Variants in ATP1B3 observed in about 807,000 individuals in gnomAD.
ATP1B3 encodes sodium/potassium-transporting ATPase subunit beta-3.
In ATP1B3, 10 loss-of-function variants were observed where a neutral mutation model predicts 30.2. The observed-to-expected ratio is 0.33, with a 90% CI of 0.20 to 0.56. ATP1B3 has a LOEUF of 0.56. ATP1B3 is among the 20% of genes least tolerant of loss of function. The pLI is 0.90. For missense variants in ATP1B3, 238 were observed against 336.7 expected (o/e 0.71, Z 2.29); for synonymous variants, 113 against 117.0 (o/e 0.97, Z 0.22).
At chr3:141,920,538 A>AG (rs1934548524) in intron 5 of ATP1B3, among the ~76,000 whole-genome samples, 1 of 152,090 alleles carries the variant, frequency 6.6e-6, no homozygotes, top group Non-Finnish European at 1.5e-5. Flanking sequence ...AAAAAAAGAA[A>AG]AAAGAAAAAA....
chr3:141,912,107 T>C (rs1346566926), intron 3 of ATP1B3, among the ~76,000 whole-genome samples: 1 of 152,142 alleles, frequency 6.6e-6, no homozygotes, highest in Non-Finnish European at 1.5e-5. Context: ...CCCCACAAAA[T>C]ACCTGAATCA....
Position 141,876,717 on chromosome 3 carries a change from G to A in ATP1B3, c.-85G>A, listed in dbSNP as rs2107923623. On this transcript the variant is annotated 5_prime_UTR_variant, in exon 1 of 7. Coordinates refer to ENST00000286371, the MANE Select transcript of ATP1B3 (RefSeq NM_001679.4). ...CCCTTCACTGCCGTCTCCGGGCTGC[G>A]CCGCCGGAGCCGGGACGCGCCTCCG... 1.3e-5 allele frequency: 14 copies of A among 1,043,780 alleles called. No individual in the cohort carries two copies. Among genetic ancestry groups the A allele is most frequent in the South Asian group, 1.3e-4 (9 of 71,468 alleles). 64.7% of individuals were successfully genotyped at this position (1,043,780 alleles called of 1,614,324 possible). A position where few individuals can be genotyped will look rare whatever the true frequency, so the allele number is the denominator to read the frequency against.
chr3:141,916,970 C>T (rs1368736433), intron 5 of ATP1B3, among the ~76,000 whole-genome samples: 1 of 151,822 alleles, frequency 6.6e-6, no homozygotes, highest in Non-Finnish European at 1.5e-5. Flanking sequence ...ACGCGGTTCT[C>T]CTGCCTCAGC....
At chr3:141,882,350 T>G (rs1933743476) in intron 1 of ATP1B3, among the ~76,000 whole-genome samples, 1 of 152,134 alleles carries the variant, frequency 6.6e-6, no homozygotes, top group South Asian at 2.1e-4. Context: ...CTTTTTCCTA[T>G]GTATAAATAA....
At chr3:141,882,877 C>T (rs561755059) in intron 1 of ATP1B3, among the ~76,000 whole-genome samples, 66 of 152,286 alleles carry the variant, frequency 4.3e-4, no homozygotes, top group Non-Finnish European at 7.3e-4. Context: ...TGAGCCACCG[C>T]GCCCGGCCTC....
At chr3:141,917,837 G>T (rs180716666) in intron 5 of ATP1B3, among the ~76,000 whole-genome samples, 1 of 149,934 alleles carries the variant, frequency 6.7e-6, no homozygotes, top group Non-Finnish European at 1.5e-5. Flanking sequence ...GCATGATCTC[G>T]GCTCACTGCA....
chr3:141,912,722 G>T (rs1202232711), intron 3 of ATP1B3, among the ~76,000 whole-genome samples: 1 of 152,176 alleles, frequency 6.6e-6, no homozygotes, highest in African/African-American at 2.4e-5. Context: ...CATCAGGCTT[G>T]CTCACTTTGT....
chr3:141,925,549 T>C lies in ATP1B3; in HGVS notation c.688T>C (p.Leu230=). The change falls in exon 7 of 7, where the codon TTG becomes CTG. Residue 230 remains leucine, a synonymous_variant. Coordinates refer to ENST00000286371, the MANE Select transcript of ATP1B3 (RefSeq NM_001679.4). Reference sequence around the variant, plus strand: ...TTGCCAGGTTGGGTATCTACAGCCATTGGTTGCTGTTCAGGTCAGCTTTGC... The same window carrying C: ...TTGCCAGGTTGGGTATCTACAGCCACTGGTTGCTGTTCAGGTCAGCTTTGC... ...KKLHVGYLQP[L]VAVQVSFAPN... 1.9e-6 allele frequency: 3 copies of C among 1,609,352 alleles called. No individual in the cohort carries two copies. The highest frequency in any genetic ancestry group is 2.5e-6 in the Non-Finnish European group (3 of 1,178,626).
At position 141,922,256 on chromosome 3, in the gene ATP1B3, G is replaced by A. The variant is rs1934575911; in HGVS notation, c.669+193G>A. The A allele has an allele frequency of 2.5e-5, 11 of 446,344 alleles. No individual in the cohort carries two copies. The South Asian group carries it at 3.3e-4, about 14-fold the overall frequency. 27.6% of individuals were successfully genotyped at this position (446,344 alleles called of 1,614,324 possible). A position where few individuals can be genotyped will look rare whatever the true frequency, so the allele number is the denominator to read the frequency against. Reference sequence around the variant, plus strand: ...TTACAATTCAGAACACAGAACCCAAGCAGATACGTTAAAGTTAGATGATTA... The same window carrying A: ...TTACAATTCAGAACACAGAACCCAAACAGATACGTTAAAGTTAGATGATTA... On this transcript the variant is annotated intron_variant, in intron 6 of 6. Transcript: ENST00000286371.
At chr3:141,879,401 C>A (rs1308012316) in intron 1 of ATP1B3, among the ~76,000 whole-genome samples, 1 of 152,048 alleles carries the variant, frequency 6.6e-6, no homozygotes, top group Non-Finnish European at 1.5e-5. Context: ...AATTTATACT[C>A]CCAACGGTAT....
chr3:141,920,664 CAATT>C (rs1934550476), intron 5 of ATP1B3, among the ~76,000 whole-genome samples: 1 of 152,118 alleles, frequency 6.6e-6, no homozygotes, highest in South Asian at 2.1e-4. Flanking sequence ...TCAACAAAAG[CAATT>C]AATGCAGAAA....
chr3:141,902,140 G>T (rs773349415), intron 1 of ATP1B3: 4 of 1,289,458 alleles, frequency 3.1e-6, no homozygotes, highest in Non-Finnish European at 3.0e-6. Flanking sequence ...CAACAGGATC[G>T]CAGTATGTGG....
intron 1 of ATP1B3, among the ~76,000 whole-genome samples, chr3:141,893,197 C>T (rs369639669): frequency 2.2e-4 from 33 of 152,062 alleles, no homozygotes; most frequent in Non-Finnish European, 3.2e-4. Context: ...TTAGTAGAGA[C>T]GGGGTTTCAC....
intron 1 of ATP1B3, among the ~76,000 whole-genome samples, chr3:141,883,514 TA>T (rs897666443): frequency 6.6e-6 from 1 of 151,978 alleles, no homozygotes; most frequent in Admixed American, 6.6e-5. Flanking sequence ...TTAGCCTATC[TA>T]AAAAAAAGTT....
chr3:141,924,916 G>T (rs565858474), intron 6 of ATP1B3, among the ~76,000 whole-genome samples: 6 of 152,100 alleles, frequency 3.9e-5, no homozygotes, highest in Admixed American at 1.3e-4. Context: ...TCGTGCCACT[G>T]CACTCCAGCC....
chr3:141,887,018 G>GA (rs1159547911), intron 1 of ATP1B3, among the ~76,000 whole-genome samples: 1 of 152,030 alleles, frequency 6.6e-6, no homozygotes, highest in Non-Finnish European at 1.5e-5. Flanking sequence ...AAAGAAAAAA[G>GA]ACATTGTATG....
rs148973067 is a variant in ATP1B3, at chr3:141,887,781, G to T, written c.109+10871G>T. Reference sequence around the variant, plus strand: ...GTGATGAATCTCACAGGTTGACTGCGAACGAAAGCCTTACCAAAGAGAGTA... The same window carrying T: ...GTGATGAATCTCACAGGTTGACTGCTAACGAAAGCCTTACCAAAGAGAGTA... On this transcript the variant is annotated intron_variant, in intron 1 of 6. Transcript: ENST00000286371. 1.1e-4 allele frequency among the ~76,000 whole-genome samples: 16 copies of T among 152,248 alleles called. No individual in the cohort carries two copies. In the East Asian group the frequency reaches 1.5e-3, roughly 15 times the overall value.
chr3:141,911,534 G>C (rs1483207333), intron 3 of ATP1B3, among the ~76,000 whole-genome samples: 1 of 140,114 alleles, frequency 7.1e-6, no homozygotes, highest in Non-Finnish European at 1.5e-5. Context: ...TTACTCTGTT[G>C]CCCAGGCTGG....
chr3:141,894,933 G>A (rs1047220101), intron 1 of ATP1B3, among the ~76,000 whole-genome samples: 2 of 152,120 alleles, frequency 1.3e-5, no homozygotes, highest in East Asian at 1.9e-4. Context: ...TATGTGACTG[G>A]TAGGTTTGTT....
Sources: gnomAD v4.1 joint callset for allele counts (sites outside exome capture counted in the v4.1 genomes callset) on GRCh38, gnomAD v4.1.1 for gene constraint, MANE v1.5 for transcripts, NCBI Gene and HGNC (gene_info 2026-07-23, HGNC 2026-07-21) for gene names.